FAM135A: variants seen among roughly 807,000 people sequenced by gnomAD.
FAM135A encodes protein FAM135A.
A neutral mutation model predicts 146.8 loss-of-function variants in FAM135A; 79 were observed. The ratio of observed to expected loss-of-function variants is 0.54; its 90% CI spans 0.45 to 0.65. The LOEUF is 0.65. Ranked by LOEUF, FAM135A falls within the 30% of genes least tolerant of loss-of-function variation. The pLI is 0.00. For missense variants in FAM135A, 1,623 were observed against 1,758.2 expected, an observed-to-expected ratio of 0.92 and a Z score of 1.38; for synonymous variants, 562 against 603.6, an observed-to-expected ratio of 0.93 and a Z score of 1.01.
intron 4 of FAM135A, among the ~76,000 whole-genome samples, chr6:70,446,957 T>A (rs761073558): frequency 1.3e-5 from 2 of 152,242 alleles, no homozygotes; most frequent in African/African-American, 2.4e-5. Flanking sequence ...TCCATAAATT[T>A]ATAGGTACAG....
At chr6:70,507,766 A>C (rs1790115501) in intron 12 of FAM135A, among the ~76,000 whole-genome samples, 1 of 152,106 alleles carries the variant, frequency 6.6e-6, no homozygotes, top group Non-Finnish European at 1.5e-5. Context: ...CAGGTGACCC[A>C]TACTAATTAA....
chr6:70,493,080 T>A (rs2128223205), intron 11 of FAM135A, among the ~76,000 whole-genome samples: 1 of 152,192 alleles, frequency 6.6e-6, no homozygotes, highest in Non-Finnish European at 1.5e-5. Flanking sequence ...TTAAAAGCAT[T>A]AGGTGGATCT....
chr6:70,438,577 T>TG (rs1158703895), intron 4 of FAM135A, among the ~76,000 whole-genome samples: 8 of 152,292 alleles, frequency 5.3e-5, no homozygotes, highest in Admixed American at 1.3e-4. Context: ...AGTATCACAG[T>TG]GCTTGTTTCA....
intron 12 of FAM135A, among the ~76,000 whole-genome samples, chr6:70,520,968 T>C (rs1793437162): frequency 6.6e-6 from 1 of 152,256 alleles, no homozygotes; most frequent in South Asian, 2.1e-4. Flanking sequence ...CTGGAGTTTC[T>C]CAAATCTTCG....
At chr6:70,531,888 C>CTTTTT (rs869128532) in intron 16 of FAM135A, among the ~76,000 whole-genome samples, 73 of 85,728 alleles carry the variant, frequency 8.5e-4, no homozygotes, top group East Asian at 1.1e-3. Flanking sequence ...AAACTGATTT[C>CTTTTT]TTTTTTTTTT....
chr6:70,559,376 G>C (rs1393750203), intron 21 of FAM135A, among the ~76,000 whole-genome samples: 1 of 151,794 alleles, frequency 6.6e-6, no homozygotes, highest in East Asian at 1.9e-4. Context: ...GGGAGGCAGA[G>C]GTTGCAGTGA....
chr6:70,413,691 G>T lies in FAM135A; in HGVS notation c.-231G>T. The T allele has an allele frequency of 1.8e-6, 1 of 547,236 alleles. No homozygotes were observed. Among genetic ancestry groups the T allele is most frequent in the Non-Finnish European group, 2.3e-6 (1 of 428,806 alleles). 33.9% of individuals were successfully genotyped at this position (547,236 alleles called of 1,614,324 possible). On this transcript the variant is annotated 5_prime_UTR_variant, in exon 1 of 22. Coordinates refer to ENST00000418814, the MANE Select transcript of FAM135A (RefSeq NM_001162529.3). ...TTCGACAGGCGGGGGAAGAGGCCGAGCCGGGCGAGAGGTAACCCCCTTACT... is the reference window on the plus strand; with the variant it reads ...TTCGACAGGCGGGGGAAGAGGCCGATCCGGGCGAGAGGTAACCCCCTTACT...
At chr6:70,510,872 T>C (rs1056212023) in intron 12 of FAM135A, among the ~76,000 whole-genome samples, 3 of 152,098 alleles carry the variant, frequency 2.0e-5, no homozygotes, top group Non-Finnish European at 4.4e-5. Flanking sequence ...TGCACCACCT[T>C]ACATTCCCAC....
intron 16 of FAM135A, 21 bp from the exon 17 acceptor site, chr6:70,533,139 A>G (rs1320330250): frequency 6.3e-7 from 1 of 1,582,942 alleles, no homozygotes; most frequent in Admixed American, 1.7e-5. Flanking sequence ...CATCCTTTAA[A>G]CATCATTTTT....
chr6:70,452,557 T>G lies in FAM135A; in HGVS notation c.143T>G (p.Leu48Trp). The G allele has an allele frequency of 6.3e-7, 1 of 1,587,700 alleles. No homozygotes were observed. Among genetic ancestry groups the G allele is most frequent in the Non-Finnish European group, 8.5e-7 (1 of 1,172,212 alleles). ...SRIPHRVEAS[L>W]LHATGMTLAF... The stretch of plus-strand genomic sequence containing the variant: ...ATTCCCCACAGAGTAGAAGCTAGTT[T>G]GTTGCATGCAACAGGTAAGCCAAAG... Residue 48 changes from leucine (L) to tryptophan (W), a missense_variant, in exon 5 of 22, where the codon TTG becomes TGG. Leu to Trp is a moderately conservative substitution (Grantham distance 61). Transcript: ENST00000418814.
chr6:70,503,249 TTTACTG>T (rs1388909542), intron 12 of FAM135A: 1 of 153,092 alleles, frequency 6.5e-6, no homozygotes, highest in Non-Finnish European at 1.5e-5. Context: ...CACATATATG[TTTACTG>T]TAGACCTAGT....
In FAM135A at chr6:70,528,586, A is replaced by G. The variant is rs145089590; in HGVS notation, c.3775+134A>G. ...CTTAAATTAATTGAATCTTAAATGCATTCTGAAACAGAAATATGCTTAATT... is the reference window on the plus strand; with the variant it reads ...CTTAAATTAATTGAATCTTAAATGCGTTCTGAAACAGAAATATGCTTAATT... On this transcript the variant is annotated intron_variant, in intron 16 of 21. Coordinates refer to ENST00000418814, the MANE Select transcript of FAM135A (RefSeq NM_001162529.3). 4.5e-3 allele frequency: 3,117 copies of G among 696,192 alleles called. 17 individuals carry two copies. Among genetic ancestry groups the G allele is most frequent in the Non-Finnish European group, 5.0e-3 (2,366 of 473,502 alleles). The allele number at this position is 696,192 out of a possible 1,614,324, so 43.1% of individuals were successfully genotyped here. A position where few individuals can be genotyped will look rare whatever the true frequency, so the allele number is the denominator to read the frequency against.
chr6:70,413,727 G>T, intron 1 of FAM135A, 25 bp downstream of exon 1: 3 of 839,348 alleles, frequency 3.6e-6, no homozygotes, highest in East Asian at 1.2e-4. Flanking sequence ...GTCCCCTCTG[G>T]CTCCCCCGGC....
At chr6:70,474,029 C>T (rs768372409) in intron 5 of FAM135A, among the ~76,000 whole-genome samples, 1 of 152,150 alleles carries the variant, frequency 6.6e-6, no homozygotes, top group Non-Finnish European at 1.5e-5. Context: ...CCTCCTCATC[C>T]TGCTCAGGTT....
rs80094739 is a variant in FAM135A, at chr6:70,427,742, A to G, written c.-39-562A>G. On this transcript the variant is annotated intron_variant, in intron 3 of 21. Transcript: ENST00000418814. The stretch of plus-strand genomic sequence containing the variant: ...GAATGTTTTCTATTTGTGCTTGTCT[A>G]TTTTCTTTTCTTCAACTTCTTTGCA... Among the ~76,000 whole-genome samples the G allele has an allele frequency of 3.0e-3, 460 of 152,142 alleles. 3 individuals carry two copies. Among genetic ancestry groups the G allele is most frequent in the African/African-American group, 0.011 (437 of 41,498 alleles).
intron 8 of FAM135A, among the ~76,000 whole-genome samples, chr6:70,477,733 A>G (rs373145728): frequency 2.0e-5 from 3 of 152,298 alleles, no homozygotes; most frequent in Non-Finnish European, 2.9e-5. Context: ...GAGGATTACA[A>G]TTCAACATGA....
rs183467927 is a variant in FAM135A at position 70,558,185 on chromosome 6, G to A, written c.4342+1322G>A. On this transcript the variant is annotated intron_variant, in intron 21 of 21. Coordinates refer to ENST00000418814, the MANE Select transcript of FAM135A (RefSeq NM_001162529.3). ...AAAATGAAAACTAAGAGGAGAGGTG[G>A]GAGTAAAAAGTTTTTTGATGAGTAT... Among the ~76,000 whole-genome samples the A allele has an allele frequency of 2.8e-4, 43 of 152,232 alleles. 1 individual carries two copies. Among genetic ancestry groups the A allele is most frequent in the Admixed American group, 1.7e-3 (26 of 15,272 alleles).
intron 4 of FAM135A, among the ~76,000 whole-genome samples, chr6:70,442,238 GGTT>G (rs964061805): frequency 5.1e-5 from 7 of 136,406 alleles, no homozygotes; most frequent in African/African-American, 1.7e-4. Flanking sequence ...TTTCTTCATG[GGTT>G]TTTTTTTTTT....
In FAM135A at chr6:70,477,198, A is replaced by G. The variant is rs374012869; in HGVS notation, c.408A>G (p.Arg136=). The change falls in exon 8 of 22, where the codon CGA becomes CGG. Residue 136 remains arginine (R), a synonymous_variant. Transcript: ENST00000418814. ...DLNALQLISS[R]TLKLHFSPHR... is the part of the protein sequence containing the mutation. Reference sequence around the variant, plus strand: ...ATGCCTTGCAACTAATAAGTAGCCGAACATTGAAGCTGCACTTTAGCCCCC... The same window carrying G: ...ATGCCTTGCAACTAATAAGTAGCCGGACATTGAAGCTGCACTTTAGCCCCC... 17 of 1,613,496 alleles carry G rather than the reference A, an allele frequency of 1.1e-5. No homozygotes were observed. Among genetic ancestry groups the G allele is most frequent in the Non-Finnish European group, 1.4e-5 (17 of 1,179,716 alleles).
Sources: gnomAD v4.1 joint callset for allele counts (sites outside exome capture counted in the v4.1 genomes callset) on GRCh38, gnomAD v4.1.1 for gene constraint, MANE v1.5 for transcripts, NCBI Gene and HGNC (gene_info 2026-07-23, HGNC 2026-07-21) for gene names.